The following GRM1 variants were observed in gnomAD, a reference collection of about 807,000 sequenced individuals.
GRM1 encodes glutamate metabotropic receptor 1, also known as metabotropic glutamate receptor 1.
GRM1 carries 33 observed loss-of-function variants against 90.9 expected under a neutral mutation model. The ratio of observed to expected loss-of-function variants is 0.36; its 90% CI spans 0.28 to 0.49. GRM1 has a LOEUF of 0.49. Ranked by LOEUF, GRM1 falls within the 20% of genes least tolerant of loss-of-function variation. The pLI, the probability that GRM1 is intolerant of heterozygous loss-of-function variation, is 0.99. For missense variants in GRM1, 1,190 were observed against 1,534.3 expected, an observed-to-expected ratio of 0.78 and a Z score of 3.75; for synonymous variants, 700 against 613.2, an observed-to-expected ratio of 1.14 and a Z score of -2.09.
chr6:146,320,630 T>C (rs1435422810), intron 3 of GRM1, among the ~76,000 whole-genome samples: 1 of 152,088 alleles, frequency 6.6e-6, no homozygotes, highest in African/African-American at 2.4e-5. Context: ...CTATTAATTA[T>C]TGCCTCAATT....
At chr6:146,117,261 A>G (rs1158277918) in intron 1 of GRM1, among the ~76,000 whole-genome samples, 4 of 151,652 alleles carry the variant, frequency 2.6e-5, no homozygotes, top group Non-Finnish European at 5.9e-5. Flanking sequence ...CTATATTACA[A>G]TAAGGAATAT....
chr6:146,262,733 G>A (rs1045064705), intron 2 of GRM1, among the ~76,000 whole-genome samples: 1 of 151,598 alleles, frequency 6.6e-6, no homozygotes, highest in African/African-American at 2.4e-5. Flanking sequence ...TGAAACATAT[G>A]GAACCTTGAT....
intron 1 of GRM1, among the ~76,000 whole-genome samples, chr6:146,058,053 C>T (rs190578864): frequency 1.2e-3 from 186 of 151,978 alleles, no homozygotes; most frequent in African/African-American, 3.8e-3. Flanking sequence ...TCATTTTTTC[C>T]GTCTCTCTGG....
chr6:146,267,556 G>A (rs112927596), intron 2 of GRM1, among the ~76,000 whole-genome samples: 6 of 150,932 alleles, frequency 4.0e-5, no homozygotes, highest in African/African-American at 1.2e-4. Flanking sequence ...CAAAACTGAA[G>A]AACTTGGAGT....
At chr6:146,232,934 T>C (rs961647415) in intron 2 of GRM1, among the ~76,000 whole-genome samples, 1 of 152,026 alleles carries the variant, frequency 6.6e-6, no homozygotes, top group East Asian at 1.9e-4. Flanking sequence ...CATTCCTTAT[T>C]AAACTTTCAT....
chr6:146,209,518 C>A (rs964799203), intron 2 of GRM1, among the ~76,000 whole-genome samples: 2 of 151,744 alleles, frequency 1.3e-5, no homozygotes, highest in Admixed American at 1.3e-4. Flanking sequence ...TGGCTTCAGG[C>A]ACATGAGATA....
At chr6:146,378,849 G>T (rs899542021) in intron 5 of GRM1, among the ~76,000 whole-genome samples, 1 of 152,088 alleles carries the variant, frequency 6.6e-6, no homozygotes, top group Non-Finnish European at 1.5e-5. Context: ...AGTCTTTCCT[G>T]TGCTGTTCTT....
chr6:146,275,178 AAAAACAAAAC>A lies in GRM1; in HGVS notation c.951-29416_951-29407del, dbSNP rs751270956. ...CAAAAAGCGAAACTGACAGAGAGAG[AAAAACAAAAC>A]AAAACAAAACAAAACATGTAAATAC... On this transcript the variant is annotated intron_variant, in intron 2 of 7. Coordinates refer to ENST00000282753, the MANE Select transcript of GRM1 (RefSeq NM_001278064.2). Among the ~76,000 whole-genome samples, 7 of 152,196 alleles carry A rather than the reference AAAAACAAAAC, an allele frequency of 4.6e-5. No individual in the cohort carries two copies. The East Asian group carries it at 5.8e-4, about 13-fold the overall frequency.
At chr6:146,273,604 G>C (rs1382279584) in intron 2 of GRM1, among the ~76,000 whole-genome samples, 1 of 152,160 alleles carries the variant, frequency 6.6e-6, no homozygotes, top group Admixed American at 6.6e-5. Flanking sequence ...GATGCCTAGG[G>C]CTTAAGATGC....
At chr6:146,123,512 A>T (rs1300511213) in intron 1 of GRM1, among the ~76,000 whole-genome samples, 1 of 152,194 alleles carries the variant, frequency 6.6e-6, no homozygotes, top group Non-Finnish European at 1.5e-5. Flanking sequence ...CCCCAAAAAC[A>T]TCTGTACGTT....
chr6:146,173,723 A>G (rs1436472991), intron 2 of GRM1, among the ~76,000 whole-genome samples: 2 of 150,606 alleles, frequency 1.3e-5, no homozygotes, highest in Admixed American at 6.6e-5. Flanking sequence ...CTGGAGTGCA[A>G]TGGCATGATC....
At chr6:146,204,820 A>T (rs1779437957) in intron 2 of GRM1, among the ~76,000 whole-genome samples, 1 of 152,166 alleles carries the variant, frequency 6.6e-6, no homozygotes. Flanking sequence ...GAGTTCTGAA[A>T]CAGCGCTAAG....
chr6:146,058,779 G>T (rs1775569608), intron 1 of GRM1, among the ~76,000 whole-genome samples: 1 of 152,072 alleles, frequency 6.6e-6, no homozygotes, highest in African/African-American at 2.4e-5. Flanking sequence ...TCAATCATTT[G>T]TTGTCATTTC....
intron 6 of GRM1, among the ~76,000 whole-genome samples, chr6:146,388,211 G>A (rs12202312): frequency 2.1e-4 from 32 of 151,870 alleles, no homozygotes; most frequent in African/African-American, 4.8e-4. Context: ...CTAGCCCCTC[G>A]TCTTATCATC....
chr6:146,357,537 T>G lies in GRM1; in HGVS notation c.1445T>G (p.Met482Arg). ...KGDAPGRYDI[M>R]NLQYTEANRY... ...TGTGCTCTTTGTAGGTATGATATCA[T>G]GAATCTGCAGTACACTGAAGCTAAT... The change falls in exon 5 of 8, where the codon ATG becomes AGG. Residue 482 changes from methionine (M) to arginine (R), a missense_variant. Physicochemically the swap from Met to Arg is moderately conservative, Grantham distance 91. Coordinates refer to ENST00000282753, the MANE Select transcript of GRM1 (RefSeq NM_001278064.2). 6.2e-7 allele frequency: 1 copy of G among 1,612,982 alleles called. No homozygotes were observed. The highest frequency in any genetic ancestry group is 1.3e-5 in the African/African-American group (1 of 75,050).
intron 1 of GRM1, among the ~76,000 whole-genome samples, chr6:146,117,077 T>C (rs879495378): frequency 5.3e-5 from 8 of 151,550 alleles, no homozygotes; most frequent in Non-Finnish European, 1.0e-4. Context: ...TTTTAATATG[T>C]TTTTTATTCT....
intron 1 of GRM1, 51 bp from the exon 2 acceptor site, chr6:146,159,297 T>C (rs1005691188): frequency 2.2e-5 from 35 of 1,610,056 alleles, no homozygotes; most frequent in African/African-American, 1.2e-4. Context: ...ATTGTGTAAG[T>C]AGTGTTATTG....
At chr6:146,221,512 A>G (rs1471647821) in intron 2 of GRM1, among the ~76,000 whole-genome samples, 2 of 152,176 alleles carry the variant, frequency 1.3e-5, no homozygotes, top group African/African-American at 4.8e-5. Context: ...GTGTCCCTGC[A>G]AAGGGCATGA....
intron 2 of GRM1, among the ~76,000 whole-genome samples, chr6:146,208,335 T>C (rs1316530233): frequency 1.3e-5 from 2 of 152,180 alleles, no homozygotes; most frequent in Non-Finnish European, 2.9e-5. Flanking sequence ...GATGTTTCTA[T>C]TGAAAAAAAT....
Sources: gnomAD v4.1 joint callset for allele counts (sites outside exome capture counted in the v4.1 genomes callset) on GRCh38, gnomAD v4.1.1 for gene constraint, MANE v1.5 for transcripts, NCBI Gene and HGNC (gene_info 2026-07-23, HGNC 2026-07-21) for gene names.